The following CHP1 variants were observed in gnomAD, a reference collection of about 807,000 sequenced individuals.
CHP1 encodes the protein calcineurin like EF-hand protein 1, also known as calcineurin B homologous protein 1.
CHP1 carries 11 observed loss-of-function variants against 27.4 expected under a neutral mutation model. The ratio of observed to expected loss-of-function variants is 0.40; its 90% CI spans 0.25 to 0.67. CHP1 has a LOEUF of 0.67. Ranked by LOEUF, CHP1 falls within the 30% of genes least tolerant of loss-of-function variation. CHP1 has a pLI of 0.38. For missense variants in CHP1, 169 were observed against 251.3 expected, an observed-to-expected ratio of 0.67 and a Z score of 2.22; for synonymous variants, 89 against 87.4, an observed-to-expected ratio of 1.02 and a Z score of -0.10.
Position 41,270,570 on chromosome 15 carries a change from A to T in CHP1, c.363A>T (p.Leu121=). 6.2e-7 allele frequency: 1 copy of T among 1,613,836 alleles called. No homozygotes were observed. The highest frequency in any genetic ancestry group is 8.5e-7 in the Non-Finnish European group (1 of 1,179,760). The change falls in exon 5 of 7, where the codon CTA becomes CTT. Residue 121 remains leucine (L), a synonymous_variant. Transcript: ENST00000334660. ...RSNKLHFAFR[L]YDLDKDEKIS... ...TTTCCCTTACAGTTGCTTTTCGACTATATGATTTGGATAAAGATGAAAAGA... is the reference window on the plus strand; with the variant it reads ...TTTCCCTTACAGTTGCTTTTCGACTTTATGATTTGGATAAAGATGAAAAGA...
Position 41,231,400 on chromosome 15 carries a change from C to T in CHP1, c.18C>T (p.Ser6=). The stretch of plus-strand genomic sequence containing the variant: ...GCACGGCGATGGGTTCTCGGGCCTC[C>T]ACGTTACTGCGGGACGAAGAGCTCG... MGSRA[S]TLLRDEELEE... is the part of the protein sequence containing the mutation. Residue 6 remains serine, a synonymous_variant, in exon 1 of 7, where the codon TCC becomes TCT. Transcript: ENST00000334660. The T allele has an allele frequency of 6.2e-7, 1 of 1,603,614 alleles. No individual in the cohort carries two copies. The highest frequency in any genetic ancestry group is 8.5e-7 in the Non-Finnish European group (1 of 1,176,234).
chr15:41,278,752 C>A lies in CHP1; in HGVS notation c.412-15C>A, dbSNP rs780562985. The A allele has an allele frequency of 6.2e-7, 1 of 1,613,810 alleles. No individual in the cohort carries two copies. Among genetic ancestry groups the A allele is most frequent in the East Asian group, 2.2e-5 (1 of 44,884 alleles). On this transcript the variant is annotated splice_polypyrimidine_tract_variant and intron_variant, in intron 5 of 6. Transcript: ENST00000334660. Reference sequence around the variant, plus strand: ...TTCCCAAGGCCCTTGTAATTCCTGGCTCTTGGTCTTCCAGGTGCTACGCAT... The same window carrying A: ...TTCCCAAGGCCCTTGTAATTCCTGGATCTTGGTCTTCCAGGTGCTACGCAT...
chr15:41,261,463 A>G (rs2047432648), intron 3 of CHP1, among the ~76,000 whole-genome samples: 1 of 152,106 alleles, frequency 6.6e-6, no homozygotes, highest in South Asian at 2.1e-4. Context: ...GCCAGAAAAT[A>G]TATTTATATT....
intron 1 of CHP1, among the ~76,000 whole-genome samples, chr15:41,236,472 G>A (rs2047277579): frequency 1.3e-5 from 2 of 152,036 alleles, no homozygotes; most frequent in South Asian, 4.1e-4. Context: ...ATGTTGCCCA[G>A]GCTGGTCTTG....
chr15:41,277,264 T>C (rs2047523708), intron 5 of CHP1, among the ~76,000 whole-genome samples: 1 of 152,228 alleles, frequency 6.6e-6, no homozygotes, highest in South Asian at 2.1e-4. Flanking sequence ...TGTGGCCTAT[T>C]GTTCCTAGAC....
Position 41,279,770 on chromosome 15 carries a change from G to A in CHP1, c.*381G>A, listed in dbSNP as rs559915766. On this transcript the variant is annotated 3_prime_UTR_variant, in exon 7 of 7. Transcript: ENST00000334660. The stretch of plus-strand genomic sequence containing the variant: ...GTAGCCCTGCTGCCTTCCCTCCAGC[G>A]AGTCTGCCAGCATGCTTCTTCATCC... 9 of 188,576 alleles carry A rather than the reference G, an allele frequency of 4.8e-5. No individual in the cohort carries two copies. The South Asian group carries it at 5.5e-4, about 11-fold the overall frequency. The allele number at this position is 188,576 out of a possible 1,614,324, so 11.7% of individuals were successfully genotyped here.
chr15:41,261,964 C>T (rs2047435503), intron 3 of CHP1, among the ~76,000 whole-genome samples: 1 of 149,258 alleles, frequency 6.7e-6, no homozygotes. Context: ...TGCATTCCAG[C>T]CTGGGCAACA....
At chr15:41,263,964 T>C (rs1014119537) in intron 4 of CHP1, among the ~76,000 whole-genome samples, 2 of 152,216 alleles carry the variant, frequency 1.3e-5, no homozygotes, top group Non-Finnish European at 2.9e-5. Flanking sequence ...CTGACTCAGC[T>C]GGCTTAAACA....
chr15:41,270,231 G>GT (rs2047481659), intron 4 of CHP1, among the ~76,000 whole-genome samples: 1 of 151,814 alleles, frequency 6.6e-6, no homozygotes, highest in South Asian at 2.1e-4. Context: ...TTTGTGTGAG[G>GT]TGACCTAATT....
In CHP1 at chr15:41,278,898, C is replaced by T; in HGVS notation, c.534+9C>T. The T allele has an allele frequency of 3.7e-6, 6 of 1,613,808 alleles. No individual in the cohort carries two copies. Among genetic ancestry groups the T allele is most frequent in the Non-Finnish European group, 4.2e-6 (5 of 1,179,886 alleles). The stretch of plus-strand genomic sequence containing the variant: ...TCACAGAATTTGTTAAGGTTGGTCA[C>T]TTACTTCTTGTTTGAAAAAGTTACG... On this transcript the variant is annotated intron_variant, in intron 6 of 6. Coordinates refer to ENST00000334660, the MANE Select transcript of CHP1 (RefSeq NM_007236.5).
chr15:41,245,315 G>A (rs1382619061), intron 2 of CHP1, among the ~76,000 whole-genome samples: 1 of 152,100 alleles, frequency 6.6e-6, no homozygotes, highest in Non-Finnish European at 1.5e-5. Flanking sequence ...ACAAAAATTA[G>A]CGTGGCGTGG....
chr15:41,242,166 CG>C (rs768653769), intron 1 of CHP1, among the ~76,000 whole-genome samples: 6 of 152,260 alleles, frequency 3.9e-5, no homozygotes, highest in Non-Finnish European at 8.8e-5. Flanking sequence ...GACCATTTTA[CG>C]AATTTGCCTA....
chr15:41,279,012 A>G (rs747230493), intron 6 of CHP1, 123 bp downstream of exon 6: 20 of 1,225,482 alleles, frequency 1.6e-5, no homozygotes, highest in Middle Eastern at 5.6e-4. Context: ...GGAGTTCAAG[A>G]CCAGCCTGGC....
At chr15:41,264,201 C>G (rs1295247254) in intron 4 of CHP1, 2 of 1,286,632 alleles carry the variant, frequency 1.6e-6, no homozygotes, top group Non-Finnish European at 2.0e-6. Context: ...GAGATCGAGA[C>G]TGAAATTGAG....
At chr15:41,248,504 A>T (rs776200003) in intron 2 of CHP1, among the ~76,000 whole-genome samples, 3 of 152,118 alleles carry the variant, frequency 2.0e-5, no homozygotes, top group Non-Finnish European at 4.4e-5. Context: ...GGGCTCCATC[A>T]GTCCTCCCGC....
At chr15:41,257,309 G>A (rs1380986688) in intron 3 of CHP1, among the ~76,000 whole-genome samples, 6 of 152,044 alleles carry the variant, frequency 3.9e-5, no homozygotes, top group Non-Finnish European at 5.9e-5. Flanking sequence ...GTAATTCGGA[G>A]AATACTTGTA....
At chr15:41,257,015 T>G in intron 3 of CHP1, 25 bp downstream of exon 3, 1 of 1,573,962 alleles carries the variant, frequency 6.4e-7, no homozygotes, top group Non-Finnish European at 8.7e-7. Context: ...TTGTTGGACT[T>G]CCTTCCTGAG....
intron 4 of CHP1, among the ~76,000 whole-genome samples, chr15:41,266,819 G>A (rs1313912062): frequency 1.3e-5 from 2 of 152,098 alleles, no homozygotes; most frequent in Non-Finnish European, 2.9e-5. Context: ...GGCCAATGTG[G>A]TGAAATCCCA....
At chr15:41,261,284 A>C (rs1246414209) in intron 3 of CHP1, among the ~76,000 whole-genome samples, 1 of 151,666 alleles carries the variant, frequency 6.6e-6, no homozygotes, top group Admixed American at 6.6e-5. Context: ...CCTCCCGAGT[A>C]GCTGGGATTA....
Sources: allele counts gnomAD v4.1 joint callset (sites outside exome capture counted in the v4.1 genomes callset), GRCh38; gene constraint gnomAD v4.1.1; transcripts MANE v1.5; gene names NCBI Gene and HGNC (gene_info 2026-07-23, HGNC 2026-07-21).